RFC1: variants seen among roughly 807,000 people sequenced by gnomAD.
RFC1 encodes A1 140 kDa subunit.
In RFC1, 37 loss-of-function variants were observed where a neutral mutation model predicts 137.4. The ratio of observed to expected loss-of-function variants is 0.27; its 90% CI spans 0.21 to 0.35. The LOEUF is 0.35. Ranked by LOEUF, RFC1 falls within the 10% of genes least tolerant of loss-of-function variation. The pLI is 1.00. For synonymous variants in RFC1, 429 were observed against 455.7 expected (o/e 0.94, Z 0.75); for missense variants, 1,205 against 1,358.5 (o/e 0.89, Z 1.78).
chr4:39,361,422 A>G (rs1330151773), intron 1 of RFC1, among the ~76,000 whole-genome samples: 1 of 152,200 alleles, frequency 6.6e-6, no homozygotes, highest in African/African-American at 2.4e-5. Context: ...AATATTTAAA[A>G]TTATACTAAG....
chr4:39,319,452 GGTT>G (rs1739406170), intron 9 of RFC1, among the ~76,000 whole-genome samples: 2 of 152,096 alleles, frequency 1.3e-5, no homozygotes, highest in Non-Finnish European at 2.9e-5. Context: ...TATCTCACAG[GGTT>G]GTTGTGAAAA....
rs1739472774 is a variant in RFC1, at chr4:39,320,611, T to G, written c.867A>C (p.Lys289Asn). 6.2e-7 allele frequency: 1 copy of G among 1,611,860 alleles called. No individual in the cohort carries two copies. The highest frequency in any genetic ancestry group is 8.5e-7 in the Non-Finnish European group (1 of 1,179,468). Residue 289 changes from lysine (K) to asparagine (N), a missense_variant, in exon 9 of 25, where the codon AAA (lysine) becomes AAC (asparagine). Transcript: ENST00000349703. ...GCTGAGATTCTTTTGAACTTTCATA[T>G]TTACTTTGCTTCCTAGGACTGTAGC... ...RKSYSPRKQS[K>N]YESSKESQQH...
chr4:39,327,949 T>C (rs573317208), intron 4 of RFC1, among the ~76,000 whole-genome samples, 193 bp from the exon 5 acceptor site: 1 of 152,018 alleles, frequency 6.6e-6, no homozygotes, highest in South Asian at 2.1e-4. Flanking sequence ...CTGGGCAACA[T>C]CATGAAACTC....
chr4:39,339,138 T>A (rs1024389259), intron 4 of RFC1, among the ~76,000 whole-genome samples: 17 of 152,162 alleles, frequency 1.1e-4, no homozygotes, highest in African/African-American at 3.4e-4. Context: ...AATTCCTTCA[T>A]CCATCCACCA....
At chr4:39,300,446 T>G (rs17288580) in intron 19 of RFC1, 32 bp from the exon 20 acceptor site, 2 of 1,562,862 alleles carry the variant, frequency 1.3e-6, no homozygotes, top group Non-Finnish European at 1.8e-6. Context: ...CCTATTAGAA[T>G]GGCCAAAATT....
At chr4:39,353,489 A>G (rs953853169) in intron 1 of RFC1, among the ~76,000 whole-genome samples, 1 of 151,880 alleles carries the variant, frequency 6.6e-6, no homozygotes, top group African/African-American at 2.4e-5. Context: ...TTACAAATCC[A>G]TCCTAATTAA....
chr4:39,352,653 A>G (rs1241273201), intron 1 of RFC1, among the ~76,000 whole-genome samples: 1 of 152,216 alleles, frequency 6.6e-6, no homozygotes, highest in Non-Finnish European at 1.5e-5. Context: ...ATCTACCACA[A>G]TTCTGGCCCA....
Position 39,366,171 on chromosome 4 carries a change from C to T in RFC1, c.3+68G>A, listed in dbSNP as rs1192992550. On this transcript the variant is annotated intron_variant, in intron 1 of 24. Coordinates refer to ENST00000349703, the MANE Select transcript of RFC1 (RefSeq NM_002913.5). ...TCCCCCACCCTGCATACCAGGAGTG[C>T]CCGGTCCACACCAGGCCTGCAAAGC... 7 of 1,525,920 alleles carry T rather than the reference C, an allele frequency of 4.6e-6. No homozygotes were observed. The Admixed American group carries it at 6.0e-5, about 13-fold the overall frequency. The allele number at this position is 1,525,920 out of a possible 1,614,324, so 94.5% of individuals were successfully genotyped here. A position where few individuals can be genotyped will look rare whatever the true frequency, so the allele number is the denominator to read the frequency against.
intron 7 of RFC1, among the ~76,000 whole-genome samples, chr4:39,322,635 T>G (rs1739573570): frequency 6.6e-6 from 1 of 152,046 alleles, no homozygotes; most frequent in South Asian, 2.1e-4. Flanking sequence ...AAAGGTAAAC[T>G]GGGCACAGAA....
chr4:39,325,548 G>C (rs1235929249), intron 6 of RFC1, among the ~76,000 whole-genome samples: 4 of 151,972 alleles, frequency 2.6e-5, no homozygotes, highest in African/African-American at 7.2e-5. Flanking sequence ...ATGCCCAGTT[G>C]ATTTTTGTAT....
chr4:39,313,291 T>C (rs886718030), intron 10 of RFC1, among the ~76,000 whole-genome samples: 2 of 152,268 alleles, frequency 1.3e-5, no homozygotes, highest in Non-Finnish European at 2.9e-5. Context: ...AATCCATCTG[T>C]AGAAACTCTT....
chr4:39,361,918 A>G (rs1000393343), intron 1 of RFC1, among the ~76,000 whole-genome samples: 5 of 152,098 alleles, frequency 3.3e-5, no homozygotes, highest in Non-Finnish European at 5.9e-5. Flanking sequence ...GGGCGCCTGT[A>G]GTCCCAGCTA....
At position 39,305,334 on chromosome 4, in the gene RFC1, G is replaced by A. The variant is rs941846460; in HGVS notation, c.1996-406C>T. On this transcript the variant is annotated intron_variant, in intron 14 of 24. Coordinates refer to ENST00000349703, the MANE Select transcript of RFC1 (RefSeq NM_002913.5). ...CTAGTATAAGATACCAGCCAGGTGCGTTGACTCACACCTGTAATACCAGCG... is the reference window on the plus strand; with the variant it reads ...CTAGTATAAGATACCAGCCAGGTGCATTGACTCACACCTGTAATACCAGCG... Among the ~76,000 whole-genome samples, 12 of 152,054 alleles carry A rather than the reference G, an allele frequency of 7.9e-5. 1 individual carries two copies. The highest frequency in any genetic ancestry group is 2.0e-4 in the Admixed American group (3 of 15,274).
chr4:39,299,880 A>C, intron 21 of RFC1, 141 bp downstream of exon 21: 1 of 621,236 alleles, frequency 1.6e-6, no homozygotes, highest in Non-Finnish European at 2.8e-6. Flanking sequence ...ATACCACTAC[A>C]CTCCAGCCCG....
Position 39,304,942 on chromosome 4 carries a change from T to G in RFC1, c.1996-14A>C. On this transcript the variant is annotated splice_polypyrimidine_tract_variant and intron_variant, in intron 14 of 24. Transcript: ENST00000349703. Reference sequence around the variant, plus strand: ...GTATCCCAACTCCTAATCAAAATATTGGAAACCACTGAAGGCACAATACAA... The same window carrying G: ...GTATCCCAACTCCTAATCAAAATATGGGAAACCACTGAAGGCACAATACAA... 1 of 1,469,734 alleles carries G rather than the reference T, an allele frequency of 6.8e-7. No homozygotes were observed. The highest frequency in any genetic ancestry group is 9.5e-7 in the Non-Finnish European group (1 of 1,048,822). The allele number at this position is 1,469,734 out of a possible 1,614,324, so 91.0% of individuals were successfully genotyped here.
chr4:39,362,355 A>C (rs1016873918), intron 1 of RFC1, among the ~76,000 whole-genome samples: 6 of 152,256 alleles, frequency 3.9e-5, no homozygotes, highest in African/African-American at 1.4e-4. Context: ...CTTGAAAAAG[A>C]ACAAAGGTGG....
chr4:39,319,471 T>C (rs1739407288), intron 9 of RFC1, among the ~76,000 whole-genome samples: 1 of 152,232 alleles, frequency 6.6e-6, no homozygotes, highest in African/African-American at 2.4e-5. Context: ...GAAAATTATA[T>C]GAGCTACCAC....
rs1442250654 is a variant in RFC1 at position 39,366,331 on chromosome 4, A to G, written c.-90T>C. 9 of 1,361,598 alleles carry G rather than the reference A, an allele frequency of 6.6e-6. No individual in the cohort carries two copies. Among genetic ancestry groups the G allele is most frequent in the Non-Finnish European group, 8.7e-6 (9 of 1,038,660 alleles). The allele number at this position is 1,361,598 out of a possible 1,614,324, so 84.3% of individuals were successfully genotyped here. A position where few individuals can be genotyped will look rare whatever the true frequency, so the allele number is the denominator to read the frequency against. On this transcript the variant is annotated 5_prime_UTR_variant, in exon 1 of 25. Coordinates refer to ENST00000349703, the MANE Select transcript of RFC1 (RefSeq NM_002913.5). ...GGCTCAGGATCCATTCGCGCCAACA[A>G]CTTCTCCCGCGAAGTGCAAGAAGGC...
At chr4:39,350,963 A>C (rs1206691323) in intron 2 of RFC1, among the ~76,000 whole-genome samples, 1 of 152,178 alleles carries the variant, frequency 6.6e-6, no homozygotes, top group East Asian at 1.9e-4. Context: ...TAAAGAATGG[A>C]GTGAATGGCT....
Sources: allele counts gnomAD v4.1 joint callset (sites outside exome capture counted in the v4.1 genomes callset), GRCh38; gene constraint gnomAD v4.1.1; transcripts MANE v1.5; gene names NCBI Gene and HGNC (gene_info 2026-07-23, HGNC 2026-07-21).